The following CTSC variants were observed in gnomAD, a reference collection of about 807,000 sequenced individuals.
CTSC encodes dipeptidyl peptidase 1.
Under a neutral mutation model 40.9 loss-of-function variants are expected in CTSC, and 37 were observed. The observed-to-expected ratio is 0.91, with a 90% CI of 0.70 to 1.19. CTSC has a LOEUF of 1.19. Among genes scored for constraint, CTSC ranks in the 50% most tolerant of loss-of-function variants. The probability of loss-of-function intolerance (pLI) is 0.00; values close to 1 mark genes in which losing one functional copy is unlikely to be tolerated. For synonymous variants in CTSC, 232 were observed against 207.4 expected (o/e 1.12, Z -1.02); for missense variants, 594 against 567.3 (o/e 1.05, Z -0.48).
In CTSC at chr11:88,335,054, G is replaced by A; in HGVS notation, c.201C>T (p.Tyr67=). ...CATATGCTGTATCCAGCTTCTGAAG[G>A]TACACCACTACTTTTTTTTCTTGTG... ...MGPQEKKVVV[Y]LQKLDTAYDD... The change falls in exon 2 of 7, where the codon TAC becomes TAT. Residue 67 remains tyrosine (Y), a synonymous_variant. Coordinates refer to ENST00000227266, the MANE Select transcript of CTSC (RefSeq NM_001814.6). The A allele has an allele frequency of 6.2e-7, 1 of 1,601,014 alleles. No individual in the cohort carries two copies. The highest frequency in any genetic ancestry group is 8.5e-7 in the Non-Finnish European group (1 of 1,169,754).
chr11:88,329,539 G>C (rs746299214), intron 2 of CTSC, among the ~76,000 whole-genome samples: 2 of 149,250 alleles, frequency 1.3e-5, no homozygotes, highest in African/African-American at 2.5e-5. Context: ...AGGACTTCCT[G>C]TCTCTGGGCA....
chr11:88,318,732 C>T (rs1009940041), intron 2 of CTSC, among the ~76,000 whole-genome samples: 1 of 152,146 alleles, frequency 6.6e-6, no homozygotes, highest in Non-Finnish European at 1.5e-5. Context: ...ATGGTGAAAC[C>T]TTGTCTCTAC....
At chr11:88,318,553 T>C (rs1591233840) in intron 2 of CTSC, among the ~76,000 whole-genome samples, 1 of 152,218 alleles carries the variant, frequency 6.6e-6, no homozygotes, top group Admixed American at 6.5e-5. Flanking sequence ...TTTCAACCAG[T>C]GGTTTCCAGC....
At chr11:88,311,553 T>A (rs1451894618) in intron 3 of CTSC, among the ~76,000 whole-genome samples, 1 of 152,224 alleles carries the variant, frequency 6.6e-6, no homozygotes, top group Admixed American at 6.5e-5. Flanking sequence ...TTGTGTGGTT[T>A]AGTCAGTTAT....
intron 4 of CTSC, among the ~76,000 whole-genome samples, chr11:88,306,944 T>TG (rs2134779332): frequency 6.6e-6 from 1 of 152,278 alleles, no homozygotes; most frequent in Admixed American, 6.5e-5. Context: ...GCACCCCCCA[T>TG]GGCCTCTGCA....
intron 4 of CTSC, among the ~76,000 whole-genome samples, chr11:88,308,700 A>G (rs1937687582): frequency 6.6e-6 from 1 of 151,272 alleles, no homozygotes; most frequent in Non-Finnish European, 1.5e-5. Flanking sequence ...CCTTCCCCCA[A>G]GCTGCCTTTG....
intron 3 of CTSC, 113 bp downstream of exon 3, chr11:88,312,275 T>C: frequency 9.6e-7 from 1 of 1,046,088 alleles, no homozygotes; most frequent in Non-Finnish European, 1.5e-6. Flanking sequence ...ATGCCTAATA[T>C]TTCTAAGCCA....
chr11:88,300,975 AGAGAT>A (rs1944354237), intron 4 of CTSC, among the ~76,000 whole-genome samples: 1 of 152,176 alleles, frequency 6.6e-6, no homozygotes, highest in African/African-American at 2.4e-5. Flanking sequence ...TGACCAAGAA[AGAGAT>A]GAGAAGTAGA....
rs1472828635 is a variant in CTSC, at chr11:88,293,915, T to A, written c.*91A>T. The A allele has an allele frequency of 7.9e-6, 11 of 1,389,086 alleles. No individual in the cohort carries two copies. Among genetic ancestry groups the A allele is most frequent in the Non-Finnish European group, 1.1e-5 (11 of 985,320 alleles). The allele number at this position is 1,389,086 out of a possible 1,614,324, so 86.0% of individuals were successfully genotyped here. A position where few individuals can be genotyped will look rare whatever the true frequency, so the allele number is the denominator to read the frequency against. ...TCATGGAAATCTATTTGTAAGCTTC[T>A]GAGATTGCTGCTGAAAGTCTACAGT... On this transcript the variant is annotated 3_prime_UTR_variant, in exon 7 of 7. Coordinates refer to ENST00000227266, the MANE Select transcript of CTSC (RefSeq NM_001814.6).
chr11:88,306,482 C>T (rs1937636947), intron 4 of CTSC, among the ~76,000 whole-genome samples: 1 of 151,486 alleles, frequency 6.6e-6, no homozygotes, highest in African/African-American at 2.4e-5. Context: ...GGCACAGATA[C>T]AAGGAGCTGA....
At chr11:88,322,438 G>A (rs1250516185) in intron 2 of CTSC, 1 of 152,124 alleles carries the variant, frequency 6.6e-6, no homozygotes, top group Non-Finnish European at 1.5e-5. Context: ...TTAAGAAACA[G>A]GAACAGTTTC....
chr11:88,326,163 C>T (rs1389819571), intron 2 of CTSC: 7 of 1,305,776 alleles, frequency 5.4e-6, no homozygotes, highest in South Asian at 2.7e-5. Flanking sequence ...ATTTTTTTTT[C>T]CTTTCTCCTG....
intron 6 of CTSC, 99 bp from the exon 7 acceptor site, chr11:88,294,607 C>A: frequency 7.3e-7 from 1 of 1,371,606 alleles, no homozygotes; most frequent in Admixed American, 1.9e-5. Context: ...GCATGTTACC[C>A]CTGAAAGTTG....
intron 2 of CTSC, among the ~76,000 whole-genome samples, chr11:88,332,996 A>C (rs778344180): frequency 1.3e-5 from 2 of 152,234 alleles, no homozygotes; most frequent in South Asian, 2.1e-4. Context: ...TAATGTTCTT[A>C]GGCAATGGCA....
intron 5 of CTSC, chr11:88,299,823 C>T (rs1158472312): frequency 6.6e-6 from 1 of 152,202 alleles, no homozygotes; most frequent in Non-Finnish European, 1.5e-5. Context: ...TTCTCCAAGT[C>T]ATTGTTGGCT....
chr11:88,334,871 C>T (rs896910491), intron 2 of CTSC, 66 bp downstream of exon 2: 15 of 1,187,256 alleles, frequency 1.3e-5, no homozygotes, highest in Non-Finnish European at 1.9e-5. Context: ...TGAGGGTCTA[C>T]TAATCAGAAG....
intron 2 of CTSC, among the ~76,000 whole-genome samples, chr11:88,327,227 T>C (rs1938217603): frequency 6.6e-6 from 1 of 152,222 alleles, no homozygotes; most frequent in Non-Finnish European, 1.5e-5. Context: ...GCGACACAAC[T>C]GATGAGCAAT....
chr11:88,294,597 G>C, intron 6 of CTSC, 89 bp from the exon 7 acceptor site: 1 of 1,434,704 alleles, frequency 7.0e-7, no homozygotes, highest in Non-Finnish European at 9.7e-7. Context: ...ATTATTCTTT[G>C]CATGTTACCC....
At position 88,324,203 on chromosome 11, in the gene CTSC, C is replaced by T. The variant is rs529671630; in HGVS notation, c.318+10734G>A. On this transcript the variant is annotated intron_variant, in intron 2 of 6. Coordinates refer to ENST00000227266, the MANE Select transcript of CTSC (RefSeq NM_001814.6). ...GTGCTGGGAGAACTGGCTAGCCATA[C>T]GCAGAAAATTAAAACTGGACCCCTT... is the stretch of plus-strand genomic sequence containing the variant. 19 of 160,962 alleles carry T rather than the reference C, an allele frequency of 1.2e-4. No individual in the cohort carries two copies. In the South Asian group the frequency reaches 1.4e-3, roughly 12 times the overall value. 10.0% of individuals were successfully genotyped at this position (160,962 alleles called of 1,614,324 possible). A position where few individuals can be genotyped will look rare whatever the true frequency, so the allele number is the denominator to read the frequency against.
Sources: allele counts gnomAD v4.1 joint callset (sites outside exome capture counted in the v4.1 genomes callset), GRCh38; gene constraint gnomAD v4.1.1; transcripts MANE v1.5; gene names NCBI Gene and HGNC (gene_info 2026-07-23, HGNC 2026-07-21).